PCDH18: variants seen among roughly 807,000 people sequenced by gnomAD.
PCDH18 encodes the protein protocadherin-18.
Under a neutral mutation model 71.5 loss-of-function variants are expected in PCDH18, and 38 were observed. That is an observed-to-expected ratio of 0.53 (90% CI 0.41 to 0.70). PCDH18 has a LOEUF of 0.70. Ranked by LOEUF, PCDH18 falls within the 30% of genes least tolerant of loss-of-function variation. The pLI, the probability that PCDH18 is intolerant of heterozygous loss-of-function variation, is 0.00. For synonymous variants in PCDH18, 565 were observed against 505.4 expected, an observed-to-expected ratio of 1.12 and a Z score of -1.58; for missense variants, 1,334 against 1,384.6, an observed-to-expected ratio of 0.96 and a Z score of 0.58.
In PCDH18 at chr4:137,519,589, G is replaced by C. The variant is rs1731232079; in HGVS notation, c.*1440C>G. On this transcript the variant is annotated 3_prime_UTR_variant, in exon 4 of 4. Transcript: ENST00000344876. ...TCGCCCAGCCAACTGAATGCTGCCT[G>C]TTTATTATTTGAAACTCAACACTGA... The C allele has an allele frequency of 6.6e-6, 1 of 152,044 alleles. No homozygotes were observed. Among genetic ancestry groups the C allele is most frequent in the Non-Finnish European group, 1.5e-5 (1 of 68,000 alleles). 9.4% of individuals were successfully genotyped at this position (152,044 alleles called of 1,614,324 possible). A position where few individuals can be genotyped will look rare whatever the true frequency, so the allele number is the denominator to read the frequency against.
Position 137,531,880 on chromosome 4 carries a change from T to G in PCDH18, c.209A>C (p.Gln70Pro). 1.2e-6 allele frequency: 2 copies of G among 1,614,020 alleles called. No homozygotes were observed. Among genetic ancestry groups the G allele is most frequent in the Non-Finnish European group, 1.7e-6 (2 of 1,179,952 alleles). ...NPSTVRFRAM[Q>P]RGNSPLLVVN... ...TACAAGTAGAGGAGAATTTCCCCTC[T>G]GCATGGCTCGAAATCGAACAGTAGA... Residue 70 changes from glutamine (Q) to proline (P), a missense_variant, in exon 1 of 4, where the codon CAG (glutamine) becomes CCG (proline). Physicochemically the swap from Gln to Pro is moderately conservative, Grantham distance 76. Coordinates refer to ENST00000344876, the MANE Select transcript of PCDH18 (RefSeq NM_019035.5).
chr4:137,522,307 A>G (rs917971453), intron 3 of PCDH18, among the ~76,000 whole-genome samples: 2 of 152,194 alleles, frequency 1.3e-5, no homozygotes, highest in Non-Finnish European at 2.9e-5. Context: ...TCTTTTAAAG[A>G]TTCAAAATAT....
chr4:137,528,091 G>A (rs1009914026), intron 3 of PCDH18, among the ~76,000 whole-genome samples: 2 of 152,062 alleles, frequency 1.3e-5, no homozygotes, highest in Non-Finnish European at 2.9e-5. Flanking sequence ...ACCACTCTGC[G>A]CCAAAACAGT....
rs1439330843 is a variant in PCDH18 at position 137,531,309 on chromosome 4, C to A, written c.780G>T (p.Pro260=). The change falls in exon 1 of 4, where the codon CCG becomes CCT. Residue 260 remains proline, a synonymous_variant. Coordinates refer to ENST00000344876, the MANE Select transcript of PCDH18 (RefSeq NM_019035.5). ...TCAGATCTAAGAGCAAAGTGCCAAC[C>A]GGGGAGTTTTCTAAGAGTTGTATTA... The part of the protein sequence containing the change: ...SYIIQLLENS[P]VGTLLLDLNA... 1.9e-6 allele frequency: 3 copies of A among 1,613,930 alleles called. No homozygotes were observed. The highest frequency in any genetic ancestry group is 3.3e-5 in the Admixed American group (2 of 59,984).
chr4:137,524,781 A>C (rs1731397563), intron 3 of PCDH18, among the ~76,000 whole-genome samples: 1 of 152,180 alleles, frequency 6.6e-6, no homozygotes, highest in African/African-American at 2.4e-5. Context: ...AACAAGAGTT[A>C]AGTATTGATT....
intron 3 of PCDH18, among the ~76,000 whole-genome samples, chr4:137,525,603 A>G (rs1415080635): frequency 6.6e-6 from 1 of 152,170 alleles, no homozygotes; most frequent in Non-Finnish European, 1.5e-5. Flanking sequence ...ATCTTTGTAT[A>G]GATACACAGT....
At chr4:137,524,348 T>C (rs1329218852) in intron 3 of PCDH18, among the ~76,000 whole-genome samples, 1 of 152,168 alleles carries the variant, frequency 6.6e-6, no homozygotes, top group Non-Finnish European at 1.5e-5. Flanking sequence ...TTATCCGTTA[T>C]GAGTCTGCTG....
chr4:137,527,293 C>T (rs1180600468), intron 3 of PCDH18, among the ~76,000 whole-genome samples: 1 of 152,120 alleles, frequency 6.6e-6, no homozygotes, highest in Non-Finnish European at 1.5e-5. Flanking sequence ...CGCACATCCT[C>T]CCAAATACTT....
In PCDH18 at chr4:137,521,665, G is replaced by C; in HGVS notation, c.2772C>G (p.Val924=). Reference sequence around the variant, plus strand: ...TCCAGCACTGGTCAGAGTGTCCCAGGACCCTGCACTCCTCCGTGCAGAGTC... The same window carrying C: ...TCCAGCACTGGTCAGAGTGTCCCAGCACCCTGCACTCCTCCGTGCAGAGTC... The part of the protein sequence containing the change: ...AMRLCTEECR[V]LGHSDQCWMP... Residue 924 remains valine (V), a synonymous_variant, in exon 4 of 4, where the codon GTC becomes GTG. Transcript: ENST00000344876. 4 of 1,609,976 alleles carry C rather than the reference G, an allele frequency of 2.5e-6. No individual in the cohort carries two copies. The highest frequency in any genetic ancestry group is 4.5e-5 in the East Asian group (2 of 44,844).
chr4:137,522,493 C>G (rs972906829), intron 3 of PCDH18, among the ~76,000 whole-genome samples: 1 of 152,062 alleles, frequency 6.6e-6, no homozygotes, highest in Non-Finnish European at 1.5e-5. Context: ...AACCCCTCTA[C>G]ATTTGGCAAA....
Position 137,531,750 on chromosome 4 carries a change from T to C in PCDH18, c.339A>G (p.Leu113=). 6.2e-7 allele frequency: 1 copy of C among 1,614,058 alleles called. No individual in the cohort carries two copies. The highest frequency in any genetic ancestry group is 8.5e-7 in the Non-Finnish European group (1 of 1,179,936). The change falls in exon 1 of 4, where the codon CTA becomes CTG. Residue 113 remains leucine (L), a synonymous_variant. Transcript: ENST00000344876. ...NCSIEFDVIT[L]PTEHLQLFHI... The stretch of plus-strand genomic sequence containing the variant: ...GGAAAAGCTGCAGATGCTCTGTGGG[T>C]AGAGTGATCACATCAAACTCTATGG...
chr4:137,532,142 G>A lies in PCDH18; in HGVS notation c.-54C>T. On this transcript the variant is annotated 5_prime_UTR_variant, in exon 1 of 4. Transcript: ENST00000344876. The stretch of plus-strand genomic sequence containing the variant: ...AGCAAGTTAAAACAGCAAAGCAATT[G>A]CCTCAACTTCCTTTGGCAACGTAAA... The A allele has an allele frequency of 7.2e-7, 1 of 1,383,902 alleles. No individual in the cohort carries two copies. The highest frequency in any genetic ancestry group is 1.0e-6 in the Non-Finnish European group (1 of 971,424). 85.7% of individuals were successfully genotyped at this position (1,383,902 alleles called of 1,614,324 possible).
intron 3 of PCDH18, among the ~76,000 whole-genome samples, chr4:137,527,474 C>A (rs986245324): frequency 1.3e-5 from 2 of 152,040 alleles, no homozygotes; most frequent in Non-Finnish European, 2.9e-5. Context: ...GGATGTGGAA[C>A]CTGCTGATAC....
rs1200803157 is a variant in PCDH18, at chr4:137,529,689, C to G, written c.2400G>C (p.Gln800His). The change falls in exon 1 of 4, where the codon CAG (glutamine) becomes CAC (histidine). Residue 800 changes from glutamine (Q) to histidine (H), a missense_variant. Around this residue, in one of 3 missense-constraint regions of PCDH18, gnomAD observed 1,011 missense variants for 1,048.0 expected, o/e 0.96. Coordinates refer to ENST00000344876, the MANE Select transcript of PCDH18 (RefSeq NM_019035.5). ...AGATTGTCACCAAACTGTTGAGTGA[C>G]TGGTGACTGTTGTGACTCTGCCGGC... ...MGSRQSHNSH[Q>H]SLNSLVTISS... 1.2e-5 allele frequency: 20 copies of G among 1,613,860 alleles called. No homozygotes were observed. Among genetic ancestry groups the G allele is most frequent in the Non-Finnish European group, 1.7e-5 (20 of 1,179,842 alleles).
chr4:137,524,931 G>C (rs2149213138), intron 3 of PCDH18, among the ~76,000 whole-genome samples: 1 of 152,226 alleles, frequency 6.6e-6, no homozygotes, highest in South Asian at 2.1e-4. Flanking sequence ...TGGAAGAAAG[G>C]CCAGAACAGA....
At chr4:137,521,751 T>C in intron 3 of PCDH18, 55 bp from the exon 4 acceptor site, 1 of 1,374,064 alleles carries the variant, frequency 7.3e-7, no homozygotes, top group Non-Finnish European at 9.9e-7. Flanking sequence ...CGATTCAAAA[T>C]GATGCAAAAA....
At chr4:137,521,754 T>C (rs543079926) in intron 3 of PCDH18, 58 bp from the exon 4 acceptor site, 26 of 1,266,778 alleles carry the variant, frequency 2.1e-5, no homozygotes, top group Middle Eastern at 2.6e-4. Context: ...TTCAAAATGA[T>C]GCAAAAATGC....
intron 3 of PCDH18, among the ~76,000 whole-genome samples, chr4:137,528,055 G>T (rs537105549): frequency 1.3e-5 from 2 of 152,130 alleles, no homozygotes; most frequent in Non-Finnish European, 2.9e-5. Flanking sequence ...CACAGGAAAT[G>T]CATCCTCCAA....
intron 3 of PCDH18, among the ~76,000 whole-genome samples, chr4:137,526,958 TAA>T (rs750084137): frequency 0.031 from 4,000 of 127,644 alleles, 158 homozygotes; most frequent in African/African-American, 0.098. Context: ...TTCCAAATCT[TAA>T]AAAAAAAAAA....
Sources: allele counts gnomAD v4.1 joint callset (sites outside exome capture counted in the v4.1 genomes callset), GRCh38; gene constraint gnomAD v4.1.1; regional missense constraint gnomAD v4.1.1; transcripts MANE v1.5; gene names NCBI Gene and HGNC (gene_info 2026-07-23, HGNC 2026-07-21).